LDB2: variants seen among roughly 807,000 people sequenced by gnomAD.
LDB2 encodes LIM domain binding 2.
In LDB2, 12 loss-of-function variants were observed where a neutral mutation model predicts 44.3. The ratio of observed to expected loss-of-function variants is 0.27; its 90% CI spans 0.17 to 0.44. The LOEUF is 0.44. Among genes scored for constraint, LDB2 ranks in the 20% least tolerant of loss-of-function variants. The pLI is 1.00. For synonymous variants in LDB2, 164 were observed against 174.8 expected (o/e 0.94, Z 0.49); for missense variants, 344 against 473.5 (o/e 0.73, Z 2.54).
chr4:16,737,746 A>C (rs1762196668), intron 2 of LDB2, among the ~76,000 whole-genome samples: 1 of 152,210 alleles, frequency 6.6e-6, no homozygotes, highest in South Asian at 2.1e-4. Context: ...TGGAAAACAA[A>C]GAAAAATCAG....
At position 16,549,342 on chromosome 4, in the gene LDB2, C is replaced by A. The variant is rs181692137; in HGVS notation, c.615+36580G>T. ...ATTAGGGGTCTACTCTTAACAAGAC[C>A]AACTTCACTGCTCTGGTTAGCAATT... On this transcript the variant is annotated intron_variant, in intron 5 of 7. Coordinates refer to ENST00000304523, the MANE Select transcript of LDB2 (RefSeq NM_001290.5). Among the ~76,000 whole-genome samples, 77 of 152,230 alleles carry A rather than the reference C, an allele frequency of 5.1e-4. 1 individual carries two copies. The highest frequency in any genetic ancestry group is 1.7e-3 in the South Asian group (8 of 4,830).
intron 2 of LDB2, among the ~76,000 whole-genome samples, chr4:16,612,944 A>G (rs948685713): frequency 6.6e-6 from 1 of 152,226 alleles, no homozygotes. Flanking sequence ...ATTGATGCGA[A>G]AATCCTCAAT....
intron 2 of LDB2, among the ~76,000 whole-genome samples, chr4:16,650,771 T>C (rs1444800588): frequency 6.6e-6 from 1 of 152,196 alleles, no homozygotes; most frequent in Non-Finnish European, 1.5e-5. Flanking sequence ...TCAGTTCATA[T>C]GTCAACTGTC....
intron 2 of LDB2, among the ~76,000 whole-genome samples, chr4:16,635,081 A>C (rs537661573): frequency 6.6e-6 from 1 of 152,278 alleles, no homozygotes; most frequent in Admixed American, 6.5e-5. Context: ...CATAAGTGGG[A>C]GTTGAACAAT....
At chr4:16,840,413 T>C (rs944052615) in intron 1 of LDB2, among the ~76,000 whole-genome samples, 2 of 152,198 alleles carry the variant, frequency 1.3e-5, no homozygotes, top group Admixed American at 1.3e-4. Context: ...ATAATTTCCA[T>C]GTCCTCTTTT....
At chr4:16,646,817 T>C (rs1485899623) in intron 2 of LDB2, among the ~76,000 whole-genome samples, 1 of 152,190 alleles carries the variant, frequency 6.6e-6, no homozygotes, top group Non-Finnish European at 1.5e-5. Context: ...AAAGTTCACA[T>C]AGTTACAAAC....
At chr4:16,745,169 A>G (rs1437711822) in intron 2 of LDB2, among the ~76,000 whole-genome samples, 2 of 152,146 alleles carry the variant, frequency 1.3e-5, no homozygotes, top group African/African-American at 4.8e-5. Context: ...GGCATTCTCT[A>G]ATTGGGTCAT....
intron 5 of LDB2, among the ~76,000 whole-genome samples, chr4:16,584,609 G>A (rs11730961): frequency 0.11 from 16,382 of 152,248 alleles, 975 homozygotes; most frequent in African/African-American, 0.13. Context: ...CACGGTGTTC[G>A]TGTGGTAACC....
At chr4:16,831,149 C>T (rs1277977657) in intron 1 of LDB2, among the ~76,000 whole-genome samples, 2 of 149,332 alleles carry the variant, frequency 1.3e-5, no homozygotes, top group Non-Finnish European at 3.0e-5. Flanking sequence ...ACCTGCATGA[C>T]CTTGGACAAC....
chr4:16,595,042 T>C (rs1252122290), intron 3 of LDB2, among the ~76,000 whole-genome samples: 1 of 152,182 alleles, frequency 6.6e-6, no homozygotes, highest in Non-Finnish European at 1.5e-5. Flanking sequence ...GCAAGGATCA[T>C]AGATCTAAAA....
At chr4:16,507,287 AG>A (rs1273575506) in intron 7 of LDB2, 1 of 152,168 alleles carries the variant, frequency 6.6e-6, no homozygotes, top group Admixed American at 6.5e-5. Flanking sequence ...GGGAATGAAA[AG>A]TATACCCCCT....
intron 2 of LDB2, among the ~76,000 whole-genome samples, chr4:16,616,291 G>A (rs1727314978): frequency 6.6e-6 from 1 of 152,066 alleles, no homozygotes; most frequent in Non-Finnish European, 1.5e-5. Flanking sequence ...ACTACTGTTA[G>A]TTATTTTATA....
intron 2 of LDB2, among the ~76,000 whole-genome samples, chr4:16,705,895 A>C (rs1754498542): frequency 6.6e-6 from 1 of 152,186 alleles, no homozygotes; most frequent in African/African-American, 2.4e-5. Context: ...AAACAATCCT[A>C]CTTAAGAATG....
rs1450948222 is a variant in LDB2 at position 16,582,605 on chromosome 4, A to T, written c.615+3317T>A. ...TGCTTCGTGAAACCCACCACCCGGT[A>T]TCGGAATACCCAACAGCAACAAAAT... is the stretch of plus-strand genomic sequence containing the variant. On this transcript the variant is annotated intron_variant, in intron 5 of 7. Coordinates refer to ENST00000304523, the MANE Select transcript of LDB2 (RefSeq NM_001290.5). The surrounding 1 kb of genome is among the most constrained non-coding windows in gnomAD (Gnocchi z 4.8). 6.6e-6 allele frequency among the ~76,000 whole-genome samples: 1 copy of T among 152,172 alleles called. No homozygotes were observed. Among genetic ancestry groups the T allele is most frequent in the Non-Finnish European group, 1.5e-5 (1 of 68,016 alleles).
rs200816867 is a variant in LDB2 at position 16,567,364 on chromosome 4, TAGAG to T, written c.615+18554_615+18557del. On this transcript the variant is annotated intron_variant, in intron 5 of 7. Coordinates refer to ENST00000304523, the MANE Select transcript of LDB2 (RefSeq NM_001290.5). ...TGCTCAACGGTTAGCACTGCAGACA[TAGAG>T]TGTGTGTGTGTGTGTGCGCGTGTGT... is the stretch of plus-strand genomic sequence containing the variant. 4.3e-3 allele frequency among the ~76,000 whole-genome samples: 432 copies of T among 99,656 alleles called. 10 individuals are homozygous for T. The East Asian group carries it at 0.079, about 18-fold the overall frequency. The allele number at this position is 99,656 out of a possible 152,430, so 65.4% of individuals were successfully genotyped here.
chr4:16,647,216 A>G (rs957562266), intron 2 of LDB2, among the ~76,000 whole-genome samples: 6 of 152,188 alleles, frequency 3.9e-5, no homozygotes, highest in Admixed American at 1.3e-4. Context: ...AAAATACCCC[A>G]TGCAGGATGA....
chr4:16,519,824 G>A lies in LDB2; in HGVS notation c.616-7720C>T, dbSNP rs180702968. Among the ~76,000 whole-genome samples the A allele has an allele frequency of 4.0e-3, 603 of 151,960 alleles. 6 individuals carry two copies. The highest frequency in any genetic ancestry group is 0.014 in the African/African-American group (585 of 41,476). On this transcript the variant is annotated intron_variant, in intron 5 of 7. Coordinates refer to ENST00000304523, the MANE Select transcript of LDB2 (RefSeq NM_001290.5). ...AAAGTAAGTAACCCTTAATACAAAAGCCTGGAACTAGGTCAGCACGCAAAA... is the reference window on the plus strand; with the variant it reads ...AAAGTAAGTAACCCTTAATACAAAAACCTGGAACTAGGTCAGCACGCAAAA...
At chr4:16,599,663 C>T (rs982207575) in intron 2 of LDB2, among the ~76,000 whole-genome samples, 8 of 152,126 alleles carry the variant, frequency 5.3e-5, no homozygotes, top group African/African-American at 1.4e-4. Context: ...ACACCATGCA[C>T]ATACGCACGC....
chr4:16,722,391 T>C (rs1192689159), intron 2 of LDB2, among the ~76,000 whole-genome samples: 1 of 152,144 alleles, frequency 6.6e-6, no homozygotes, highest in African/African-American at 2.4e-5. Context: ...CTGGAAAACA[T>C]GAGAGATGAA....
Sources: gnomAD v4.1 joint callset for allele counts (sites outside exome capture counted in the v4.1 genomes callset) on GRCh38, gnomAD v4.1.1 for gene constraint, Gnocchi (gnomAD v3.1) non-coding constraint, MANE v1.5 for transcripts, NCBI Gene and HGNC (gene_info 2026-07-23, HGNC 2026-07-21) for gene names.